HLA-DQA1: variants seen among roughly 807,000 people sequenced by gnomAD.
HLA-DQA1 encodes the protein major histocompatibility complex, class II, DQ alpha 1, also known as HLA class II histocompatibility antigen, DQ alpha 1 chain.
A neutral mutation model predicts 20.7 loss-of-function variants in HLA-DQA1; 10 were observed. The ratio of observed to expected loss-of-function variants is 0.48; its 90% CI spans 0.30 to 0.82. The LOEUF is 0.82. Ranked by LOEUF, HLA-DQA1 falls within the 40% of genes least tolerant of loss-of-function variation. The pLI, the probability that HLA-DQA1 is intolerant of heterozygous loss-of-function variation, is 0.07. For synonymous variants in HLA-DQA1, 39 were observed against 109.2 expected, an observed-to-expected ratio of 0.36 and a Z score of 4.01; for missense variants, 127 against 293.0, an observed-to-expected ratio of 0.43 and a Z score of 4.14.
At chr6:32,653,083 C>T in the HLA-DQA1 span, among the ~76,000 whole-genome samples, 67,872 of 126,096 alleles carry the variant, frequency 0.54, 19,484 homozygotes, top group Middle Eastern at 0.66. Flanking sequence ...AAGGCAATTC[C>T]AGGGGATGGC....
the HLA-DQA1 span, among the ~76,000 whole-genome samples, chr6:32,654,084 G>A: frequency 0.038 from 2,636 of 69,916 alleles, 701 homozygotes; most frequent in African/African-American, 0.059. Context: ...TGAGGCAGGT[G>A]GATTGGTTGA....
downstream of HLA-DQA1, among the ~76,000 whole-genome samples, chr6:32,651,310 C>A (rs1442756880): frequency 4.6e-4 from 33 of 71,310 alleles, 11 homozygotes; most frequent in African/African-American, 1.6e-3. Context: ...CATGGCCAGG[C>A]GTGGTGGCCC....
intron 1 of HLA-DQA1, among the ~76,000 whole-genome samples, chr6:32,640,748 C>A: frequency 1.0e-5 from 1 of 98,232 alleles, no homozygotes. Flanking sequence ...TATACTCTTT[C>A]TTATACCCTA....
intron 1 of HLA-DQA1, among the ~76,000 whole-genome samples, chr6:32,637,984 T>C (rs9272477): frequency 9.4e-6 from 1 of 106,568 alleles, no homozygotes; most frequent in Non-Finnish European, 2.0e-5. Context: ...ATTTAAAATG[T>C]TGCCCGTTTC....
chr6:32,641,333 GTAAACTTGTACCAGTTTTAC>G lies in HLA-DQA1; in HGVS notation c.107_126del (p.Val36GlyfsTer9). ...AGCTGACCACGTTGCCTCTTGTGGT[GTAAACTTGTACCAGTTTTAC>G]GGTCCCTCTGGCCAGTACACCCATG... is the stretch of plus-strand genomic sequence containing the variant. On this transcript the variant is annotated frameshift_variant, in exon 2 of 5. Coordinates refer to ENST00000343139, the MANE Select transcript of HLA-DQA1 (RefSeq NM_002122.5). LOFTEE classifies it high-confidence loss of function. 1 of 1,224,512 alleles carries G rather than the reference GTAAACTTGTACCAGTTTTAC, an allele frequency of 8.2e-7. No homozygotes were observed. Among genetic ancestry groups the G allele is most frequent in the South Asian group, 1.2e-5 (1 of 83,902 alleles). 75.9% of individuals were successfully genotyped at this position (1,224,512 alleles called of 1,614,324 possible). A position where few individuals can be genotyped will look rare whatever the true frequency, so the allele number is the denominator to read the frequency against.
rs1129744 is a variant in HLA-DQA1, at chr6:32,641,341, G to C, written c.114G>C (p.Leu38Phe). The change falls in exon 2 of 5, where the codon TTG becomes TTC. Residue 38 changes from leucine to phenylalanine, a missense_variant. Around this residue, in one of 4 missense-constraint regions of HLA-DQA1, gnomAD observed 36 missense variants for 44.8 expected, o/e 0.80. Coordinates refer to ENST00000343139, the MANE Select transcript of HLA-DQA1 (RefSeq NM_002122.5). ...ACGTTGCCTCTTGTGGTGTAAACTT[G>C]TACCAGTTTTACGGTCCCTCTGGCC... Reference protein sequence around the residue: ...ADHVASCGVNLYQFYGPSGQY... With the variant: ...ADHVASCGVNFYQFYGPSGQY... 9.1e-6 allele frequency: 11 copies of C among 1,203,390 alleles called. 3 individuals are homozygous for C. Among genetic ancestry groups the C allele is most frequent in the African/African-American group, 1.7e-5 (1 of 58,118 alleles). The allele number at this position is 1,203,390 out of a possible 1,614,324, so 74.5% of individuals were successfully genotyped here.
downstream of HLA-DQA1, among the ~76,000 whole-genome samples, chr6:32,650,897 C>CTTT (rs70996709): frequency 4.5e-5 from 3 of 67,032 alleles, 1 homozygote; most frequent in East Asian, 9.9e-4. Context: ...ATAAAGAATT[C>CTTT]TTTTTTTTTT....
At chr6:32,646,792 G>A (rs148889372), downstream of HLA-DQA1, 52 of 120,830 alleles carry the variant, frequency 4.3e-4, 10 homozygotes, top group African/African-American at 1.5e-3. Flanking sequence ...TGACATCACA[G>A]GGATGCAACC....
Position 32,643,317 on chromosome 6 carries a change from A to T in HLA-DQA1, c.*386A>T, listed in dbSNP as rs36216730. 39,610 of 291,492 alleles carry T rather than the reference A, an allele frequency of 0.14. 10,777 individuals carry two copies. The highest frequency in any genetic ancestry group is 0.33 in the South Asian group (11,799 of 35,434). 18.1% of individuals were successfully genotyped at this position (291,492 alleles called of 1,614,324 possible). A position where few individuals can be genotyped will look rare whatever the true frequency, so the allele number is the denominator to read the frequency against. ...GGGCTGACTGAAACTATGGCTAATA[A>T]TTGGGGTACTCTTATGTTTCAATCC... On this transcript the variant is annotated 3_prime_UTR_variant, in exon 5 of 5. Transcript: ENST00000343139.
chr6:32,643,743 G>GGA (rs9282043), downstream of HLA-DQA1: 43,439 of 149,746 alleles, frequency 0.29, 6,660 homozygotes, highest in Middle Eastern at 0.47. Flanking sequence ...GTCACCTTGA[G>GGA]ATAAAAATTC....
At chr6:32,653,092 G>A in the HLA-DQA1 span, among the ~76,000 whole-genome samples, 68,722 of 127,148 alleles carry the variant, frequency 0.54, 19,807 homozygotes, top group Middle Eastern at 0.68. Context: ...CCAGGGGATG[G>A]CTGACAGCTA....
Position 32,643,384 on chromosome 6 carries a change from C to T in HLA-DQA1, c.*453C>T, listed in dbSNP as rs1781637091. 1 of 285,734 alleles carries T rather than the reference C, an allele frequency of 3.5e-6. No homozygotes were observed. Among genetic ancestry groups the T allele is most frequent in the African/African-American group, 2.2e-5 (1 of 44,486 alleles). The allele number at this position is 285,734 out of a possible 1,614,324, so 17.7% of individuals were successfully genotyped here. A position where few individuals can be genotyped will look rare whatever the true frequency, so the allele number is the denominator to read the frequency against. ...CCAGATCATTTTTCATGTCCAGTAACACAGAAGCCACCAAGTACAGTATAG... is the reference window on the plus strand; with the variant it reads ...CCAGATCATTTTTCATGTCCAGTAATACAGAAGCCACCAAGTACAGTATAG... On this transcript the variant is annotated 3_prime_UTR_variant, in exon 5 of 5. Coordinates refer to ENST00000343139, the MANE Select transcript of HLA-DQA1 (RefSeq NM_002122.5).
At chr6:32,637,745 G>C (rs796850832) in intron 1 of HLA-DQA1, among the ~76,000 whole-genome samples, 1 of 107,004 alleles carries the variant, frequency 9.3e-6, no homozygotes, top group South Asian at 2.9e-4. Flanking sequence ...TGTTCACTAA[G>C]GACGCTATTC....
At chr6:32,638,467 C>T (rs9272502) in intron 1 of HLA-DQA1, among the ~76,000 whole-genome samples, 7,716 of 76,178 alleles carry the variant, frequency 0.1, 1,036 homozygotes, top group East Asian at 0.23. Flanking sequence ...AGCCTGGGAG[C>T]TTGAGACCAG....
chr6:32,647,238 C>T (rs185831190), downstream of HLA-DQA1, among the ~76,000 whole-genome samples: 50 of 99,642 alleles, frequency 5.0e-4, 17 homozygotes, highest in African/African-American at 1.5e-3. Flanking sequence ...GAGGCCAAGG[C>T]GGGCAGAACG....
At chr6:32,647,213 A>G (rs1382799266), downstream of HLA-DQA1, among the ~76,000 whole-genome samples, 2 of 31,064 alleles carry the variant, frequency 6.4e-5, 1 homozygote, top group East Asian at 2.2e-3. Context: ...CATGCCTGTA[A>G]TCCCAGCACT....
rs1554153334 is a variant in HLA-DQA1 at position 32,643,074 on chromosome 6, A to ACCTTTTTTTT, written c.*144_*145insCTTTTTTTTC. 3.3e-6 allele frequency: 1 copy of ACCTTTTTTTT among 302,854 alleles called. No homozygotes were observed. The highest frequency in any genetic ancestry group is 6.4e-6 in the Non-Finnish European group (1 of 157,160). The allele number at this position is 302,854 out of a possible 1,614,324, so 18.8% of individuals were successfully genotyped here. On this transcript the variant is annotated 3_prime_UTR_variant, in exon 5 of 5. Coordinates refer to ENST00000343139, the MANE Select transcript of HLA-DQA1 (RefSeq NM_002122.5). Reference sequence around the variant, plus strand: ...TTTCTCCTCTCACCTTTTCTCTGGGACTTAAGCTGCTATATCCCCTCAGAG... The same window carrying ACCTTTTTTTT: ...TTTCTCCTCTCACCTTTTCTCTGGGACCTTTTTTTTCTTAAGCTGCTATATCCCCTCAGAG...
chr6:32,654,209 T>G, the HLA-DQA1 span, among the ~76,000 whole-genome samples: 2 of 98,182 alleles, frequency 2.0e-5, no homozygotes, highest in East Asian at 3.4e-4. Flanking sequence ...GAGATTGAGG[T>G]GGGAGGATGG....
rs10093 is a variant in HLA-DQA1, at chr6:32,641,396, C to G, written c.169C>G (p.Gln57Glu). ...CACCCATGAATTTGATGGAGATGAG[C>G]AGTTCTACGTGGACCTGGAGAGGAA... is the stretch of plus-strand genomic sequence containing the variant. ...QYTHEFDGDE[Q>E]FYVDLERKET... is the part of the protein sequence containing the mutation. The change falls in exon 2 of 5, where the codon CAG (glutamine) becomes GAG (glutamate). Residue 57 changes from glutamine (Q) to glutamate (E), a missense_variant. This residue lies in a region of HLA-DQA1 where 15 missense variants were observed against 56.2 expected (regional missense o/e 0.27). Transcript: ENST00000343139. The G allele has an allele frequency of 0.33, 347,482 of 1,063,312 alleles. 124,238 individuals are homozygous for G. The highest frequency in any genetic ancestry group is 0.35 in the South Asian group (25,839 of 74,572). 65.9% of individuals were successfully genotyped at this position (1,063,312 alleles called of 1,614,324 possible). A position where few individuals can be genotyped will look rare whatever the true frequency, so the allele number is the denominator to read the frequency against.
Sources: allele counts gnomAD v4.1 joint callset (sites outside exome capture counted in the v4.1 genomes callset), GRCh38; gene constraint gnomAD v4.1.1; regional missense constraint gnomAD v4.1.1; transcripts MANE v1.5; gene names NCBI Gene and HGNC (gene_info 2026-07-23, HGNC 2026-07-21).